The following THSD7B variants were observed in gnomAD, a reference collection of about 807,000 sequenced individuals.
The protein encoded by THSD7B is thrombospondin type 1 domain containing 7B, also known as thrombospondin type-1 domain-containing protein 7B.
Under a neutral mutation model 213.6 loss-of-function variants are expected in THSD7B, and 138 were observed. The observed-to-expected ratio is 0.65, with a 90% CI of 0.56 to 0.74. The LOEUF is 0.74. THSD7B is among the 30% of genes least tolerant of loss of function. The pLI is 0.00. For synonymous variants in THSD7B, 742 were observed against 687.0 expected (o/e 1.08, Z -1.25); for missense variants, 1,931 against 1,991.5 (o/e 0.97, Z 0.58).
At chr2:137,414,367 A>C (rs1455676822) in intron 14 of THSD7B, among the ~76,000 whole-genome samples, 1 of 152,028 alleles carries the variant, frequency 6.6e-6, no homozygotes, top group Non-Finnish European at 1.5e-5. Flanking sequence ...AGAAAAAAAA[A>C]TCTTTTAATG....
chr2:137,197,619 T>C (rs568991428), intron 7 of THSD7B, among the ~76,000 whole-genome samples: 4 of 152,260 alleles, frequency 2.6e-5, no homozygotes, highest in African/African-American at 7.2e-5. Context: ...TCTTAAACTT[T>C]ATGAAGATGA....
chr2:137,496,109 T>C (rs1215023593), intron 15 of THSD7B, among the ~76,000 whole-genome samples: 1 of 151,988 alleles, frequency 6.6e-6, no homozygotes, highest in Non-Finnish European at 1.5e-5. Flanking sequence ...AATTGGTGAG[T>C]GTAGTTTGAG....
intron 10 of THSD7B, among the ~76,000 whole-genome samples, chr2:137,268,172 A>G (rs999352900): frequency 2.0e-5 from 3 of 152,034 alleles, no homozygotes; most frequent in African/African-American, 7.2e-5. Flanking sequence ...TTTTTTATAT[A>G]CTTTAAGTTC....
At chr2:137,663,081 CAAAA>C (rs1297347517) in intron 25 of THSD7B, among the ~76,000 whole-genome samples, 1 of 145,172 alleles carries the variant, frequency 6.9e-6, no homozygotes, top group South Asian at 2.2e-4. Context: ...AAAAAAAAGA[CAAAA>C]AGAGAGAGGA....
intron 15 of THSD7B, among the ~76,000 whole-genome samples, chr2:137,535,139 C>T (rs1299085199): frequency 6.6e-6 from 1 of 151,682 alleles, no homozygotes; most frequent in Non-Finnish European, 1.5e-5. Context: ...ATAACCTGTT[C>T]ATTTTTACTC....
At chr2:137,492,468 G>A (rs935057928) in intron 15 of THSD7B, among the ~76,000 whole-genome samples, 8 of 152,044 alleles carry the variant, frequency 5.3e-5, no homozygotes, top group African/African-American at 1.7e-4. Flanking sequence ...GTTGTACTGT[G>A]GTATAAGTAG....
intron 5 of THSD7B, among the ~76,000 whole-genome samples, chr2:137,130,267 T>C (rs1263451193): frequency 6.6e-6 from 1 of 152,172 alleles, no homozygotes; most frequent in Non-Finnish European, 1.5e-5. Context: ...TTTGTTAATA[T>C]GTTTTAGTAG....
intron 7 of THSD7B, among the ~76,000 whole-genome samples, chr2:137,187,853 A>T (rs139661674): frequency 1.3e-5 from 2 of 151,912 alleles, no homozygotes; most frequent in African/African-American, 4.8e-5. Context: ...TATTTTACTT[A>T]TTTTTAATTT....
At chr2:137,655,128 A>G (rs1455255666) in intron 21 of THSD7B, among the ~76,000 whole-genome samples, 1 of 152,116 alleles carries the variant, frequency 6.6e-6, no homozygotes, top group African/African-American at 2.4e-5. Flanking sequence ...CAGGTAAAAT[A>G]AAAGAAATTT....
chr2:136,888,129 C>T (rs148960950), intron 2 of THSD7B, among the ~76,000 whole-genome samples: 3 of 152,238 alleles, frequency 2.0e-5, no homozygotes, highest in African/African-American at 7.2e-5. Context: ...CAGATATGTG[C>T]ACTTTATTAA....
chr2:137,315,248 C>T (rs1203858476), intron 12 of THSD7B, among the ~76,000 whole-genome samples: 7 of 152,190 alleles, frequency 4.6e-5, no homozygotes, highest in South Asian at 2.1e-4. Flanking sequence ...GCGCAGTATT[C>T]GGGTGGGAGT....
At position 137,495,032 on chromosome 2, in the gene THSD7B, C is replaced by T. The variant is rs533274370; in HGVS notation, c.3138+44009C>T. On this transcript the variant is annotated intron_variant, in intron 15 of 27. Coordinates refer to ENST00000409968, the MANE Select transcript of THSD7B (RefSeq NM_001316349.2). ...TTCCTGGCATGCTGGGATTCCTTCT[C>T]TCACTCATTACTTACCACAGTCTAA... 3.3e-5 allele frequency among the ~76,000 whole-genome samples: 5 copies of T among 152,292 alleles called. No individual in the cohort carries two copies. The East Asian group carries it at 9.7e-4, about 29-fold the overall frequency.
chr2:137,009,521 A>T (rs1462603439), intron 2 of THSD7B, among the ~76,000 whole-genome samples: 1 of 152,164 alleles, frequency 6.6e-6, no homozygotes, highest in Admixed American at 6.5e-5. Context: ...GTAATTTATA[A>T]AGAAATAGAG....
intron 10 of THSD7B, among the ~76,000 whole-genome samples, chr2:137,255,248 C>T (rs1050125785): frequency 1.3e-5 from 2 of 152,144 alleles, no homozygotes; most frequent in African/African-American, 4.8e-5. Context: ...GGCTTTCCTA[C>T]CTGGCCACAG....
chr2:137,009,254 G>A (rs943423848), intron 2 of THSD7B, among the ~76,000 whole-genome samples: 29 of 152,100 alleles, frequency 1.9e-4, no homozygotes, highest in Admixed American at 1.6e-3. Context: ...TACTATTGTC[G>A]TTATTTGCCT....
chr2:137,255,849 G>A (rs759867082), intron 10 of THSD7B, among the ~76,000 whole-genome samples: 1 of 151,968 alleles, frequency 6.6e-6, no homozygotes, highest in Non-Finnish European at 1.5e-5. Flanking sequence ...GTGCCACCAC[G>A]CCTGATTATT....
intron 17 of THSD7B, 29 bp from the exon 18 acceptor site, chr2:137,616,146 G>T: frequency 6.2e-7 from 1 of 1,604,094 alleles, no homozygotes; most frequent in Non-Finnish European, 8.5e-7. Context: ...CTTGCCCACA[G>T]TCAACTTTTC....
chr2:136,999,598 TA>T (rs1164993576), intron 2 of THSD7B, among the ~76,000 whole-genome samples: 1 of 152,092 alleles, frequency 6.6e-6, no homozygotes, highest in Non-Finnish European at 1.5e-5. Context: ...TTACCAAATC[TA>T]AAAGTCTGTT....
At chr2:137,122,249 T>C (rs1347030) in intron 5 of THSD7B, among the ~76,000 whole-genome samples, 105,302 of 152,068 alleles carry the variant, frequency 0.69, 37,846 homozygotes, top group Non-Finnish European at 0.78. Flanking sequence ...ACCTCTTTAA[T>C]GGTATAGGAG....
Sources: allele counts gnomAD v4.1 joint callset (sites outside exome capture counted in the v4.1 genomes callset), GRCh38; gene constraint gnomAD v4.1.1; transcripts MANE v1.5; gene names NCBI Gene and HGNC (gene_info 2026-07-23, HGNC 2026-07-21).